IPO11: variants seen among roughly 807,000 people sequenced by gnomAD.
IPO11 encodes the protein importin 11, also known as importin-11.
A neutral mutation model predicts 143.2 loss-of-function variants in IPO11; 66 were observed. The ratio of observed to expected loss-of-function variants is 0.46; its 90% confidence interval spans 0.38 to 0.57. IPO11 has a LOEUF of 0.57. Among genes scored for constraint, IPO11 ranks in the 20% least tolerant of loss-of-function variants. The pLI is 0.00. For missense variants in IPO11, 1,026 were observed against 1,141.0 expected, an observed-to-expected ratio of 0.90 and a Z score of 1.45; for synonymous variants, 385 against 377.8, an observed-to-expected ratio of 1.02 and a Z score of -0.22.
chr5:62,596,337 T>A (rs1271010962), intron 28 of IPO11, among the ~76,000 whole-genome samples: 1 of 147,392 alleles, frequency 6.8e-6, no homozygotes, highest in Non-Finnish European at 1.5e-5. Flanking sequence ...GACTAGAAAA[T>A]GACTCATAAA....
At chr5:62,559,553 T>G (rs1347484953) in intron 26 of IPO11, among the ~76,000 whole-genome samples, 1 of 152,192 alleles carries the variant, frequency 6.6e-6, no homozygotes, top group African/African-American at 2.4e-5. Flanking sequence ...CAGGAATAGA[T>G]TCCATCTTAA....
chr5:62,626,261 C>G (rs1436146991), intron 29 of IPO11, among the ~76,000 whole-genome samples: 2 of 152,214 alleles, frequency 1.3e-5, no homozygotes, highest in Non-Finnish European at 2.9e-5. Flanking sequence ...AACTCCTGAC[C>G]TTGTGATCTG....
rs932241415 is a variant in IPO11, at chr5:62,628,511, T to A, written c.*1193T>A. The A allele has an allele frequency of 3.3e-5, 5 of 152,588 alleles. No homozygotes were observed. The highest frequency in any genetic ancestry group is 7.3e-5 in the Non-Finnish European group (5 of 68,030). 9.5% of individuals were successfully genotyped at this position (152,588 alleles called of 1,614,324 possible). A position where few individuals can be genotyped will look rare whatever the true frequency, so the allele number is the denominator to read the frequency against. ...TTTGTAAGCTGTGGAACCCAAACTGTATGGGGATATTTGATGTTTTCAGAA... is the reference window on the plus strand; with the variant it reads ...TTTGTAAGCTGTGGAACCCAAACTGAATGGGGATATTTGATGTTTTCAGAA... On this transcript the variant is annotated 3_prime_UTR_variant, in exon 30 of 30. Coordinates refer to ENST00000325324, the MANE Select transcript of IPO11 (RefSeq NM_016338.5).
chr5:62,550,341 C>T (rs1166951456), intron 24 of IPO11, 26 bp from the exon 25 acceptor site: 7 of 1,518,040 alleles, frequency 4.6e-6, no homozygotes, highest in Non-Finnish European at 6.4e-6. Context: ...GCAGTATTAT[C>T]ACCAATCTTT....
rs138793578 is a variant in IPO11 at position 62,498,420 on chromosome 5, C to T, written c.1590+4296C>T. On this transcript the variant is annotated intron_variant, in intron 16 of 29. Transcript: ENST00000325324. ...TTATGACAACTTCTAGGTTTTAGAA[C>T]ATTATTTCTACACTGTAAACTAGAA... Among the ~76,000 whole-genome samples the T allele has an allele frequency of 9.7e-4, 148 of 152,264 alleles. 1 individual carries two copies. In the Middle Eastern group the frequency reaches 0.01, roughly 10 times the overall value.
intron 19 of IPO11, among the ~76,000 whole-genome samples, chr5:62,509,997 A>G (rs1741690467): frequency 6.6e-6 from 1 of 152,130 alleles, no homozygotes; most frequent in Non-Finnish European, 1.5e-5. Context: ...TGGCTGTAAC[A>G]TTTTACATTC....
At chr5:62,540,761 A>G (rs909688809) in intron 24 of IPO11, among the ~76,000 whole-genome samples, 5 of 152,238 alleles carry the variant, frequency 3.3e-5, no homozygotes, top group Admixed American at 6.5e-5. Context: ...TTGAGCTTAT[A>G]TATATAAACA....
At chr5:62,623,589 C>T (rs902891922) in intron 29 of IPO11, among the ~76,000 whole-genome samples, 3 of 151,460 alleles carry the variant, frequency 2.0e-5, no homozygotes, top group Non-Finnish European at 2.9e-5. Flanking sequence ...AGAGCAGCCC[C>T]GAGGGCTGCT....
At position 62,479,646 on chromosome 5, in the gene IPO11, G is replaced by C. The variant is rs1746108900; in HGVS notation, c.828+2893G>C. On this transcript the variant is annotated intron_variant, in intron 9 of 29. Transcript: ENST00000325324. ...GTCGCCATTCTAACTGGTGTGAGATGGTATCTCATTGTGGTTTTGATTTGC... is the reference window on the plus strand; with the variant it reads ...GTCGCCATTCTAACTGGTGTGAGATCGTATCTCATTGTGGTTTTGATTTGC... Among the ~76,000 whole-genome samples, 2 of 152,144 alleles carry C rather than the reference G, an allele frequency of 1.3e-5. 1 individual carries two copies. The highest frequency in any genetic ancestry group is 4.2e-4 in the South Asian group (2 of 4,814).
chr5:62,483,880 T>C (rs1025011641), intron 10 of IPO11, 130 bp from the exon 11 acceptor site: 1 of 761,180 alleles, frequency 1.3e-6, no homozygotes, highest in South Asian at 2.0e-5. Flanking sequence ...TTGTTTATAA[T>C]AAAAATGAAA....
chr5:62,594,155 C>A (rs1337954960), intron 28 of IPO11, among the ~76,000 whole-genome samples: 2 of 152,138 alleles, frequency 1.3e-5, no homozygotes, highest in Non-Finnish European at 2.9e-5. Context: ...TACTAGGGTT[C>A]TCCAGAGAAA....
At chr5:62,577,600 CTTGTT>C (rs1350506283) in intron 27 of IPO11, among the ~76,000 whole-genome samples, 8 of 152,046 alleles carry the variant, frequency 5.3e-5, no homozygotes, top group African/African-American at 1.9e-4. Context: ...ATTTCTGTCA[CTTGTT>C]TTGTTTTCCA....
intron 1 of IPO11, chr5:62,413,535 G>A (rs949635527): frequency 6.6e-6 from 1 of 152,184 alleles, no homozygotes; most frequent in African/African-American, 2.4e-5. Context: ...CTTATTACGT[G>A]TGTCATTTTT....
intron 21 of IPO11, among the ~76,000 whole-genome samples, chr5:62,528,685 A>G (rs914889850): frequency 3.3e-5 from 5 of 152,190 alleles, no homozygotes; most frequent in Non-Finnish European, 5.9e-5. Context: ...GTTCCATCCA[A>G]TAGCTTGTAT....
At chr5:62,447,335 C>G (rs1190657493) in intron 3 of IPO11, among the ~76,000 whole-genome samples, 2 of 152,138 alleles carry the variant, frequency 1.3e-5, no homozygotes, top group African/African-American at 4.8e-5. Context: ...GAACTCCTGA[C>G]TGCAAGTGAC....
intron 5 of IPO11, among the ~76,000 whole-genome samples, chr5:62,454,605 G>A (rs1024199224): frequency 6.6e-6 from 1 of 151,128 alleles, no homozygotes; most frequent in Non-Finnish European, 1.5e-5. Context: ...CTTCTTGCTT[G>A]TTTTTTTTTG....
At chr5:62,453,550 C>T (rs1216477751) in intron 5 of IPO11, among the ~76,000 whole-genome samples, 2 of 152,066 alleles carry the variant, frequency 1.3e-5, no homozygotes, top group East Asian at 3.8e-4. Context: ...TCTGAGGACT[C>T]AATTTTGTCT....
At chr5:62,439,936 C>G (rs1024748108) in intron 2 of IPO11, among the ~76,000 whole-genome samples, 2 of 152,174 alleles carry the variant, frequency 1.3e-5, no homozygotes, top group African/African-American at 4.8e-5. Context: ...GACATTTCTA[C>G]TTGGATTGAC....
At chr5:62,597,195 A>T (rs144051295) in intron 28 of IPO11, among the ~76,000 whole-genome samples, 32 of 152,320 alleles carry the variant, frequency 2.1e-4, no homozygotes, top group African/African-American at 7.7e-4. Context: ...AGAAACCTTG[A>T]TTTGGGAAAC....
Sources: gnomAD v4.1 joint callset for allele counts (sites outside exome capture counted in the v4.1 genomes callset) on GRCh38, gnomAD v4.1.1 for gene constraint, MANE v1.5 for transcripts, NCBI Gene and HGNC (gene_info 2026-07-23, HGNC 2026-07-21) for gene names.